Variants in COL22A1 observed in about 807,000 individuals in gnomAD.
COL22A1 encodes the protein collagen alpha-1(XXII) chain.
In COL22A1, 221 loss-of-function variants were observed where a neutral mutation model predicts 248.9. That is an observed-to-expected ratio of 0.89 (90% CI 0.80 to 0.99). The LOEUF is 0.99. COL22A1 is among the 50% of genes least tolerant of loss of function. The pLI, the probability that COL22A1 is intolerant of heterozygous loss-of-function variation, is 0.00. For missense variants in COL22A1, 2,240 were observed against 2,179.0 expected (o/e 1.03, Z -0.56); for synonymous variants, 891 against 793.4 (o/e 1.12, Z -2.07).
chr8:138,630,054 AT>A (rs1417154418), intron 50 of COL22A1, among the ~76,000 whole-genome samples: 1 of 152,220 alleles, frequency 6.6e-6, no homozygotes, highest in African/African-American at 2.4e-5. Flanking sequence ...CCATATATTC[AT>A]TTACTTGCCA....
chr8:138,614,807 G>C (rs1387021691), intron 55 of COL22A1, among the ~76,000 whole-genome samples: 1 of 152,192 alleles, frequency 6.6e-6, no homozygotes, highest in Non-Finnish European at 1.5e-5. Context: ...CCACAGCTAA[G>C]AAAGCACATG....
chr8:138,904,893 G>T (rs1464988703), intron 1 of COL22A1, among the ~76,000 whole-genome samples: 1 of 152,118 alleles, frequency 6.6e-6, no homozygotes, highest in Non-Finnish European at 1.5e-5. Context: ...CAGCGGGAGG[G>T]CCATGGACCA....
At chr8:138,720,885 T>C in intron 26 of COL22A1, 93 bp from the exon 27 acceptor site, 1 of 1,012,102 alleles carries the variant, frequency 9.9e-7, no homozygotes, top group African/African-American at 1.6e-5. Flanking sequence ...GGAAGAGAAC[T>C]ACCTGCACTC....
Position 138,675,080 on chromosome 8 carries a change from G to A in COL22A1, c.3150+1478C>T, listed in dbSNP as rs73451606. The stretch of plus-strand genomic sequence containing the variant: ...ACACGCCTCCTTCCATGCTTTTCAG[G>A]AAGATCTAAGAAGACACAGAGCTAC... On this transcript the variant is annotated intron_variant, in intron 41 of 64. Coordinates refer to ENST00000303045, the MANE Select transcript of COL22A1 (RefSeq NM_152888.3). 1.6e-3 allele frequency among the ~76,000 whole-genome samples: 241 copies of A among 152,278 alleles called. 1 individual carries two copies. The highest frequency in any genetic ancestry group is 5.5e-3 in the African/African-American group (227 of 41,542).
Position 138,676,413 on chromosome 8 carries a change from A to AAAAG in COL22A1, c.3150+141_3150+144dup, listed in dbSNP as rs36160519. 9.3e-3 allele frequency: 3,015 copies of AAAAG among 325,514 alleles called. 106 individuals are homozygous for AAAAG. The highest frequency in any genetic ancestry group is 0.057 in the African/African-American group (1,974 of 34,698). The allele number at this position is 325,514 out of a possible 1,614,324, so 20.2% of individuals were successfully genotyped here. On this transcript the variant is annotated intron_variant, in intron 41 of 64. Coordinates refer to ENST00000303045, the MANE Select transcript of COL22A1 (RefSeq NM_152888.3). ...TCCATCTCAAAAAAAAAAAGAAAGA[A>AAAAG]AAAGAAAGAAAGAAAGAAAGAAAGA...
chr8:138,834,490 A>G (rs1820287363), intron 4 of COL22A1, among the ~76,000 whole-genome samples: 1 of 152,194 alleles, frequency 6.6e-6, no homozygotes, highest in Non-Finnish European at 1.5e-5. Flanking sequence ...AGCATTGTGT[A>G]AGAAATGTCA....
intron 3 of COL22A1, among the ~76,000 whole-genome samples, chr8:138,851,776 T>C (rs1821663117): frequency 6.6e-6 from 1 of 152,114 alleles, no homozygotes; most frequent in Admixed American, 6.6e-5. Context: ...GAACACCCAG[T>C]ATGCACCTGG....
chr8:138,725,956 A>G (rs1444809973), intron 23 of COL22A1, among the ~76,000 whole-genome samples: 1 of 152,160 alleles, frequency 6.6e-6, no homozygotes, highest in Non-Finnish European at 1.5e-5. Context: ...TGGGTCTCGC[A>G]TCTGTACTTG....
chr8:138,629,631 T>C (rs1820542770), intron 50 of COL22A1, among the ~76,000 whole-genome samples: 1 of 152,230 alleles, frequency 6.6e-6, no homozygotes, highest in African/African-American at 2.4e-5. Flanking sequence ...CAATGTGGAA[T>C]AGCAGAGGGA....
chr8:138,628,251 G>A (rs1461298889), intron 50 of COL22A1, among the ~76,000 whole-genome samples: 1 of 152,150 alleles, frequency 6.6e-6, no homozygotes, highest in African/African-American at 2.4e-5. Flanking sequence ...AGGTTTGTAT[G>A]TATCTTTTTA....
At chr8:138,750,030 T>C (rs1832459830) in intron 22 of COL22A1, among the ~76,000 whole-genome samples, 2 of 152,170 alleles carry the variant, frequency 1.3e-5, no homozygotes, top group Admixed American at 1.3e-4. Flanking sequence ...CTCATGATAG[T>C]AAATGAGCCT....
intron 1 of COL22A1, among the ~76,000 whole-genome samples, chr8:138,890,017 G>C (rs551751244): frequency 1.3e-4 from 20 of 152,270 alleles, no homozygotes; most frequent in African/African-American, 3.8e-4. Context: ...GGGCAGCATA[G>C]TAAAAGTAAC....
rs114011483 is a variant in COL22A1 at position 138,869,706 on chromosome 8, T to C, written c.658+8044A>G. Among the ~76,000 whole-genome samples the C allele has an allele frequency of 2.6e-3, 390 of 152,350 alleles. 1 individual carries two copies. The highest frequency in any genetic ancestry group is 0.01 in the Middle Eastern group (3 of 294). ...TAATTCAATTACGATTTCTATTTGG[T>C]GACCTCAGTCCTAATAAGCCTCCCA... On this transcript the variant is annotated intron_variant, in intron 3 of 64. Coordinates refer to ENST00000303045, the MANE Select transcript of COL22A1 (RefSeq NM_152888.3).
chr8:138,805,141 G>A (rs1367412040), intron 10 of COL22A1, among the ~76,000 whole-genome samples: 2 of 146,364 alleles, frequency 1.4e-5, no homozygotes, highest in Non-Finnish European at 3.0e-5. Context: ...GATGGGGTGT[G>A]TGTGCATATG....
chr8:138,901,481 C>T lies in COL22A1; in HGVS notation c.-73+12138G>A, dbSNP rs549232195. ...TCCCAGGCTCTGGTGATCCTCCCAC[C>T]TCAGCCTCCCAGGTAGCTGAGACTA... On this transcript the variant is annotated intron_variant, in intron 1 of 64. Coordinates refer to ENST00000303045, the MANE Select transcript of COL22A1 (RefSeq NM_152888.3). Among the ~76,000 whole-genome samples, 4 of 151,952 alleles carry T rather than the reference C, an allele frequency of 2.6e-5. No homozygotes were observed. The East Asian group carries it at 5.8e-4, about 22-fold the overall frequency.
At chr8:138,898,522 A>G (rs1416570056) in intron 1 of COL22A1, among the ~76,000 whole-genome samples, 1 of 152,138 alleles carries the variant, frequency 6.6e-6, no homozygotes, top group African/African-American at 2.4e-5. Context: ...TGGGATGAGC[A>G]TTCCTCAGAC....
At chr8:138,692,533 T>C (rs1827179597) in intron 35 of COL22A1, among the ~76,000 whole-genome samples, 1 of 148,678 alleles carries the variant, frequency 6.7e-6, no homozygotes, top group Non-Finnish European at 1.5e-5. Flanking sequence ...GAAAATCAGG[T>C]AAGAAGTGGA....
At chr8:138,763,684 C>T (rs1213642629) in intron 16 of COL22A1, among the ~76,000 whole-genome samples, 1 of 152,216 alleles carries the variant, frequency 6.6e-6, no homozygotes, top group Non-Finnish European at 1.5e-5. Flanking sequence ...CTTCCTTCAT[C>T]AGGCTCCTCA....
intron 5 of COL22A1, among the ~76,000 whole-genome samples, chr8:138,829,403 G>GTTATTTTT (rs1554640271): frequency 1.1e-5 from 1 of 90,640 alleles, no homozygotes. Flanking sequence ...TTCCTTTCCT[G>GTTATTTTT]TTTTTTTTTT....
Sources: allele counts gnomAD v4.1 joint callset (sites outside exome capture counted in the v4.1 genomes callset), GRCh38; gene constraint gnomAD v4.1.1; transcripts MANE v1.5; gene names NCBI Gene and HGNC (gene_info 2026-07-23, HGNC 2026-07-21).